The following ZNF423 variants were observed in gnomAD, a reference collection of about 807,000 sequenced individuals.
ZNF423 encodes the protein Ebf-associated zinc finger protein.
ZNF423 carries 12 observed loss-of-function variants against 95.8 expected under a neutral mutation model. The ratio of observed to expected loss-of-function variants is 0.13; its 90% confidence interval spans 0.08 to 0.20. The LOEUF is 0.20. ZNF423 is among the 10% of genes least tolerant of loss of function. The pLI is 1.00. For missense variants in ZNF423, 1,316 were observed against 1,737.1 expected (o/e 0.76, Z 4.31); for synonymous variants, 749 against 711.9 (o/e 1.05, Z -0.83).
At chr16:49,639,934 C>T (rs959879545) in intron 3 of ZNF423, among the ~76,000 whole-genome samples, 4 of 152,198 alleles carry the variant, frequency 2.6e-5, no homozygotes, top group East Asian at 1.9e-4. Context: ...CGGCGGGGGC[C>T]GAGCAGAGCC....
At chr16:49,746,629 C>G (rs1051738235) in intron 2 of ZNF423, among the ~76,000 whole-genome samples, 1 of 152,074 alleles carries the variant, frequency 6.6e-6, no homozygotes, top group Non-Finnish European at 1.5e-5. Flanking sequence ...AGGCACCCAC[C>G]ACCACACCTG....
At chr16:49,816,969 C>A (rs375270095) in intron 1 of ZNF423, among the ~76,000 whole-genome samples, 6 of 152,298 alleles carry the variant, frequency 3.9e-5, no homozygotes, top group African/African-American at 1.2e-4. Context: ...CAGTTGACTG[C>A]AAAGGCTTTT....
intron 5 of ZNF423, among the ~76,000 whole-genome samples, chr16:49,618,413 C>T (rs2151853603): frequency 6.6e-6 from 1 of 152,234 alleles, no homozygotes; most frequent in African/African-American, 2.4e-5. Context: ...ACCTGTAATC[C>T]CCACGTGTCG....
At chr16:49,743,972 A>G (rs2033468836) in intron 2 of ZNF423, among the ~76,000 whole-genome samples, 1 of 151,998 alleles carries the variant, frequency 6.6e-6, no homozygotes, top group South Asian at 2.1e-4. Context: ...CTCAGATTCC[A>G]AGGAGCCGCT....
chr16:49,751,289 A>G (rs1197787845), intron 2 of ZNF423, among the ~76,000 whole-genome samples: 1 of 152,094 alleles, frequency 6.6e-6, no homozygotes. Flanking sequence ...TGGTGCTATC[A>G]CAGCTCACTG....
intron 5 of ZNF423, among the ~76,000 whole-genome samples, chr16:49,541,682 A>C (rs2151738216): frequency 6.6e-6 from 1 of 152,270 alleles, no homozygotes; most frequent in East Asian, 1.9e-4. Flanking sequence ...CCCACCTGTC[A>C]AGGGCGGGAC....
At chr16:49,560,709 A>C (rs1482932183) in intron 5 of ZNF423, among the ~76,000 whole-genome samples, 5 of 152,202 alleles carry the variant, frequency 3.3e-5, no homozygotes, top group Non-Finnish European at 7.3e-5. Flanking sequence ...CAACTGCTGA[A>C]ATTCCCCAGA....
rs778221120 is a variant in ZNF423, at chr16:49,492,225, G to A, written c.3850-921C>T. Among the ~76,000 whole-genome samples, 124 of 152,302 alleles carry A rather than the reference G, an allele frequency of 8.1e-4. No individual in the cohort carries two copies. The highest frequency in any genetic ancestry group is 3.4e-3 in the Middle Eastern group (1 of 294). ...CAGACCCATTTCATCAAAGCCTCAG[G>A]TGGTGCTCCACCTCATGACACCTGG... On this transcript the variant is annotated intron_variant, in intron 7 of 7. Transcript: ENST00000563137. The surrounding 1 kb of genome is among the most constrained non-coding windows in gnomAD (Gnocchi z 4.2).
intron 2 of ZNF423, among the ~76,000 whole-genome samples, chr16:49,753,131 C>A (rs1344344028): frequency 6.6e-6 from 1 of 151,954 alleles, no homozygotes; most frequent in Non-Finnish European, 1.5e-5. Context: ...GTAGTCCCAG[C>A]TACTTGGGAG....
At chr16:49,516,109 T>C (rs1451938367) in intron 7 of ZNF423, among the ~76,000 whole-genome samples, 1 of 152,162 alleles carries the variant, frequency 6.6e-6, no homozygotes. Context: ...TCAAAGGCGC[T>C]CAGAGAAGTA....
chr16:49,736,846 G>C (rs1451587410), intron 2 of ZNF423, among the ~76,000 whole-genome samples: 1 of 152,206 alleles, frequency 6.6e-6, no homozygotes, highest in Non-Finnish European at 1.5e-5. Context: ...CTGCCCTTAA[G>C]AAAGGGCTTG....
In ZNF423 at chr16:49,636,375, A is replaced by G; in HGVS notation, c.2801T>C (p.Ile934Thr). The G allele has an allele frequency of 1.2e-6, 2 of 1,613,010 alleles. No homozygotes were observed. Among genetic ancestry groups the G allele is most frequent in the Non-Finnish European group, 1.7e-6 (2 of 1,180,020 alleles). ...DDGSRKKAEF[I>T]KGSHKCNVCS... ...AACGTTGCACTTGTGACTGCCCTTG[A>G]TAAACTCAGCCTTCTTGCGTGAGCC... Residue 934 changes from isoleucine to threonine, a missense_variant, in exon 4 of 8, where the codon ATC (isoleucine) becomes ACC (threonine). Physicochemically the swap from Ile to Thr is moderately conservative, Grantham distance 89. Around this residue, in one of 6 missense-constraint regions of ZNF423, gnomAD observed 620 missense variants for 775.6 expected, o/e 0.80. Transcript: ENST00000563137. The surrounding 1 kb of genome is among the most constrained non-coding windows in gnomAD (Gnocchi z 8.6).
intron 5 of ZNF423, among the ~76,000 whole-genome samples, chr16:49,608,039 T>A (rs1427950291): frequency 6.6e-6 from 1 of 152,154 alleles, no homozygotes; most frequent in East Asian, 1.9e-4. Flanking sequence ...GATCAGTGAT[T>A]TTCCCCTCAA....
At chr16:49,721,664 C>G (rs1567310615) in intron 3 of ZNF423, among the ~76,000 whole-genome samples, 1 of 152,086 alleles carries the variant, frequency 6.6e-6, no homozygotes, top group Non-Finnish European at 1.5e-5. Context: ...ACACTGGATC[C>G]CACTCTGGCG....
At chr16:49,833,941 G>C (rs1373566686) in intron 1 of ZNF423, among the ~76,000 whole-genome samples, 1 of 152,192 alleles carries the variant, frequency 6.6e-6, no homozygotes, top group Non-Finnish European at 1.5e-5. Context: ...CACAGAACTG[G>C]AACTCAGGAT....
chr16:49,660,418 A>G (rs935003966), intron 3 of ZNF423, among the ~76,000 whole-genome samples: 5 of 149,362 alleles, frequency 3.3e-5, no homozygotes, highest in South Asian at 2.2e-4. Context: ...GAATGAATGA[A>G]TAGTCTAATC....
At chr16:49,506,218 G>A (rs1198988928) in intron 7 of ZNF423, among the ~76,000 whole-genome samples, 1 of 152,220 alleles carries the variant, frequency 6.6e-6, no homozygotes, top group Non-Finnish European at 1.5e-5. Flanking sequence ...TGATGATGGT[G>A]AAAGAACGTG....
At chr16:49,533,867 G>A (rs1597064754) in intron 5 of ZNF423, among the ~76,000 whole-genome samples, 1 of 152,140 alleles carries the variant, frequency 6.6e-6, no homozygotes, top group African/African-American at 2.4e-5. Context: ...TAAAGAATAT[G>A]AAGCATGACC....
At chr16:49,694,402 C>A (rs964041227) in intron 3 of ZNF423, among the ~76,000 whole-genome samples, 4 of 152,158 alleles carry the variant, frequency 2.6e-5, no homozygotes, top group Admixed American at 6.5e-5. Flanking sequence ...TTAAATCCCC[C>A]AATTGCTAGG....
Sources: allele counts gnomAD v4.1 joint callset (sites outside exome capture counted in the v4.1 genomes callset), GRCh38; gene constraint gnomAD v4.1.1; regional missense constraint gnomAD v4.1.1; non-coding constraint Gnocchi (gnomAD v3.1); transcripts MANE v1.5; gene names NCBI Gene and HGNC (gene_info 2026-07-23, HGNC 2026-07-21).